Variants in FNBP4 observed in about 807,000 individuals in gnomAD.
The protein encoded by FNBP4 is formin binding protein 4.
A neutral mutation model predicts 119.3 loss-of-function variants in FNBP4; 34 were observed. The ratio of observed to expected loss-of-function variants is 0.28; its 90% CI spans 0.22 to 0.38. FNBP4 has a LOEUF of 0.38. FNBP4 is among the 10% of genes least tolerant of loss of function. The pLI is 1.00. For synonymous variants in FNBP4, 462 were observed against 430.6 expected (o/e 1.07, Z -0.90); for missense variants, 1,112 against 1,228.9 (o/e 0.90, Z 1.42).
intron 6 of FNBP4, among the ~76,000 whole-genome samples, chr11:47,749,552 T>C (rs1010404009): frequency 3.3e-5 from 5 of 152,034 alleles, no homozygotes; most frequent in African/African-American, 9.7e-5. Flanking sequence ...CAAGACTCTG[T>C]CTCAAAAAGA....
At chr11:47,762,224 C>T (rs1000452047) in intron 2 of FNBP4, among the ~76,000 whole-genome samples, 5 of 151,474 alleles carry the variant, frequency 3.3e-5, no homozygotes, top group Admixed American at 6.6e-5. Context: ...CTCCGCCTCC[C>T]GGGTTCAAGC....
Position 47,767,109 on chromosome 11 carries a change from C to T in FNBP4, c.180G>A (p.Ala60=). ...CGTCCGAGGCCGCGGCGGCAGTCAC[C>T]GCGGTGGTGGTGGTCGTCGCCGCCG... ...APSAATTTTT[A]VTAAAASDDS... is the part of the protein sequence containing the mutation. The change falls in exon 1 of 17, where the codon GCG becomes GCA. Residue 60 remains alanine, a synonymous_variant. Coordinates refer to ENST00000263773, the MANE Select transcript of FNBP4 (RefSeq NM_015308.5). 1 of 1,513,968 alleles carries T rather than the reference C, an allele frequency of 6.6e-7. No homozygotes were observed. Among genetic ancestry groups the T allele is most frequent in the Non-Finnish European group, 8.8e-7 (1 of 1,132,716 alleles). 93.8% of individuals were successfully genotyped at this position (1,513,968 alleles called of 1,614,324 possible).
chr11:47,762,612 T>C (rs1006074976), intron 2 of FNBP4, among the ~76,000 whole-genome samples: 6 of 151,940 alleles, frequency 3.9e-5, no homozygotes, highest in Non-Finnish European at 7.4e-5. Context: ...TTAAACTTTT[T>C]TGTAGAGGTG....
chr11:47,745,656 C>G (rs1360745607), intron 7 of FNBP4, among the ~76,000 whole-genome samples: 1 of 152,082 alleles, frequency 6.6e-6, no homozygotes, highest in African/African-American at 2.4e-5. Context: ...GTTCTTACAC[C>G]TCCTCCCCTT....
intron 2 of FNBP4, among the ~76,000 whole-genome samples, chr11:47,759,164 C>A (rs1218380432): frequency 2.0e-5 from 3 of 151,156 alleles, no homozygotes; most frequent in Non-Finnish European, 4.4e-5. Flanking sequence ...AAGTGATCTG[C>A]CCTTTTTGGC....
chr11:47,732,375 G>C lies in FNBP4; in HGVS notation c.1820+162C>G. 1 of 1,511,546 alleles carries C rather than the reference G, an allele frequency of 6.6e-7. No individual in the cohort carries two copies. The highest frequency in any genetic ancestry group is 8.8e-7 in the Non-Finnish European group (1 of 1,133,188). The allele number at this position is 1,511,546 out of a possible 1,614,324, so 93.6% of individuals were successfully genotyped here. ...CATTGCTTTTGTTTCTCCAATGTGT[G>C]GCTGGCCAAACTTTGTGCTTGCGGT... On this transcript the variant is annotated intron_variant, in intron 11 of 16. Transcript: ENST00000263773. This position sits in a 1 kb window ranked among gnomAD's most constrained non-coding sequence, Gnocchi z 4.2.
At chr11:47,751,587 C>T (rs985306060) in intron 4 of FNBP4, among the ~76,000 whole-genome samples, 6 of 152,046 alleles carry the variant, frequency 3.9e-5, no homozygotes, top group African/African-American at 1.4e-4. Flanking sequence ...GGTTGAGAAC[C>T]ACTGGCCTAA....
At chr11:47,757,773 C>A (rs2097622796) in intron 2 of FNBP4, among the ~76,000 whole-genome samples, 1 of 152,164 alleles carries the variant, frequency 6.6e-6, no homozygotes. Context: ...GGACTACAGG[C>A]ATGAGCCACC....
intron 2 of FNBP4, 21 bp from the exon 3 acceptor site, chr11:47,754,685 A>T: frequency 6.2e-7 from 1 of 1,609,956 alleles, no homozygotes; most frequent in East Asian, 2.2e-5. Flanking sequence ...AAAGGTAAAC[A>T]GTATTTGTAA....
At chr11:47,720,141 G>C in intron 15 of FNBP4, 55 bp from the exon 16 acceptor site, 2 of 1,526,082 alleles carry the variant, frequency 1.3e-6, no homozygotes, top group Non-Finnish European at 1.8e-6. Flanking sequence ...AAGGATAAGC[G>C]TCCTCTACAA....
chr11:47,738,887 T>A (rs2097577956), intron 8 of FNBP4, among the ~76,000 whole-genome samples: 1 of 133,944 alleles, frequency 7.5e-6, no homozygotes. Flanking sequence ...TTTTTTTTAG[T>A]AGAGACAGGG....
Position 47,732,316 on chromosome 11 carries a change from T to G in FNBP4, c.1820+221A>C. 7.1e-7 allele frequency: 1 copy of G among 1,413,210 alleles called. No homozygotes were observed. Among genetic ancestry groups the G allele is most frequent in the South Asian group, 1.5e-5 (1 of 64,968 alleles). 87.5% of individuals were successfully genotyped at this position (1,413,210 alleles called of 1,614,324 possible). On this transcript the variant is annotated intron_variant, in intron 11 of 16. Transcript: ENST00000263773. The surrounding 1 kb of genome is among the most constrained non-coding windows in gnomAD (Gnocchi z 4.2). ...AGTAAAAACCAGCTTTGTCCATATC[T>G]TGGGAAAAAATCCGTTACATGGAAC...
chr11:47,719,852 C>A (rs2097553659), intron 16 of FNBP4, 77 bp downstream of exon 16: 1 of 1,485,048 alleles, frequency 6.7e-7, no homozygotes, highest in African/African-American at 1.4e-5. Flanking sequence ...TCTATAACAA[C>A]CACAACCTAC....
chr11:47,731,955 C>T (rs2097567979), intron 11 of FNBP4: 1 of 999,946 alleles, frequency 1.0e-6, no homozygotes, highest in Non-Finnish European at 1.2e-6. Flanking sequence ...CTCTTCCCCT[C>T]TTGGACCGTG....
intron 12 of FNBP4, chr11:47,730,047 A>G (rs2097565655): frequency 1.0e-6 from 1 of 985,332 alleles, no homozygotes; most frequent in African/African-American, 1.7e-5. Flanking sequence ...AAACAGCTTA[A>G]TACTCATCTA....
At chr11:47,754,807 C>T in intron 2 of FNBP4, 143 bp from the exon 3 acceptor site, 4 of 847,618 alleles carry the variant, frequency 4.7e-6, no homozygotes, top group Non-Finnish European at 7.2e-6. Flanking sequence ...ACTGAACTAC[C>T]ACAGAAGAAT....
chr11:47,727,175 G>C (rs372282486), intron 12 of FNBP4, among the ~76,000 whole-genome samples: 2 of 151,794 alleles, frequency 1.3e-5, no homozygotes, highest in African/African-American at 4.8e-5. Flanking sequence ...CTGTAAATAT[G>C]AGATTAAACT....
chr11:47,747,689 C>T (rs2135206312), intron 6 of FNBP4, among the ~76,000 whole-genome samples: 1 of 152,228 alleles, frequency 6.6e-6, no homozygotes, highest in East Asian at 1.9e-4. Flanking sequence ...GTGGCTCATG[C>T]CTGTAATTCC....
chr11:47,748,248 A>G (rs2097594759), intron 6 of FNBP4, among the ~76,000 whole-genome samples: 1 of 151,716 alleles, frequency 6.6e-6, no homozygotes, highest in Non-Finnish European at 1.5e-5. Context: ...CAAAGAAAAA[A>G]AAAATAATAA....
Sources: allele counts gnomAD v4.1 joint callset (sites outside exome capture counted in the v4.1 genomes callset), GRCh38; gene constraint gnomAD v4.1.1; non-coding constraint Gnocchi (gnomAD v3.1); transcripts MANE v1.5; gene names NCBI Gene and HGNC (gene_info 2026-07-23, HGNC 2026-07-21).